The following GRID1 variants were observed in gnomAD, a reference collection of about 807,000 sequenced individuals.
The protein encoded by GRID1 is glutamate receptor ionotropic, delta-1.
Under a neutral mutation model 98.0 loss-of-function variants are expected in GRID1, and 28 were observed. That is an observed-to-expected ratio of 0.29 (90% CI 0.21 to 0.39). The LOEUF is 0.39. Ranked by LOEUF, GRID1 falls within the 10% of genes least tolerant of loss-of-function variation. The pLI, the probability that GRID1 is intolerant of heterozygous loss-of-function variation, is 1.00. For synonymous variants in GRID1, 553 were observed against 538.5 expected, an observed-to-expected ratio of 1.03 and a Z score of -0.37; for missense variants, 1,111 against 1,340.5, an observed-to-expected ratio of 0.83 and a Z score of 2.67.
intron 3 of GRID1, among the ~76,000 whole-genome samples, chr10:86,204,709 C>A (rs942650602): frequency 6.6e-6 from 1 of 152,180 alleles, no homozygotes; most frequent in African/African-American, 2.4e-5. Context: ...CTCCCAGGCT[C>A]TAGGGGAAAA....
chr10:85,893,439 G>T (rs762036201), intron 5 of GRID1, among the ~76,000 whole-genome samples: 1 of 152,080 alleles, frequency 6.6e-6, no homozygotes, highest in Non-Finnish European at 1.5e-5. Flanking sequence ...AATAAGAATA[G>T]TTCACTATAT....
intron 2 of GRID1, among the ~76,000 whole-genome samples, chr10:86,240,572 C>T (rs1358887067): frequency 6.7e-6 from 1 of 149,822 alleles, no homozygotes; most frequent in Non-Finnish European, 1.5e-5. Flanking sequence ...CAGGGGCCCA[C>T]CTCTTGGGTG....
intron 5 of GRID1, among the ~76,000 whole-genome samples, chr10:85,884,127 T>G (rs1171127264): frequency 6.6e-6 from 1 of 152,232 alleles, no homozygotes; most frequent in Non-Finnish European, 1.5e-5. Context: ...CCACTTTACA[T>G]TTGGCCTTCA....
At chr10:85,923,362 T>C (rs553430755) in intron 4 of GRID1, among the ~76,000 whole-genome samples, 138 of 152,248 alleles carry the variant, frequency 9.1e-4, no homozygotes, top group Admixed American at 1.4e-3. Flanking sequence ...GAATTTACCC[T>C]GTGAAGCACT....
chr10:86,197,318 G>A (rs891234923), intron 3 of GRID1, among the ~76,000 whole-genome samples: 3 of 152,202 alleles, frequency 2.0e-5, no homozygotes, highest in African/African-American at 4.8e-5. Flanking sequence ...AGGTTGTGCC[G>A]GGCACGCTCA....
chr10:85,931,311 T>C (rs1002563496), intron 4 of GRID1, among the ~76,000 whole-genome samples: 1 of 152,164 alleles, frequency 6.6e-6, no homozygotes, highest in Admixed American at 6.5e-5. Context: ...AAGAGCTACA[T>C]GGTTGGGAGG....
intron 2 of GRID1, among the ~76,000 whole-genome samples, chr10:86,344,072 C>T (rs1848348321): frequency 6.6e-6 from 1 of 152,250 alleles, no homozygotes; most frequent in South Asian, 2.1e-4. Context: ...ATACCAGTGC[C>T]TGGGCCCTTG....
chr10:85,685,507 A>G (rs907119601), intron 12 of GRID1, among the ~76,000 whole-genome samples: 1 of 152,172 alleles, frequency 6.6e-6, no homozygotes, highest in Non-Finnish European at 1.5e-5. Context: ...AATTCAATAT[A>G]ATGAAACTAT....
chr10:86,061,977 T>A (rs1014657930), intron 4 of GRID1, among the ~76,000 whole-genome samples: 8 of 152,182 alleles, frequency 5.3e-5, no homozygotes, highest in Non-Finnish European at 8.8e-5. Context: ...CATGACTGTA[T>A]TCTCTCCCTT....
intron 3 of GRID1, among the ~76,000 whole-genome samples, chr10:86,181,979 G>A (rs749405218): frequency 5.9e-5 from 9 of 152,208 alleles, no homozygotes; most frequent in Non-Finnish European, 1.3e-4. Context: ...ACAACTTAGT[G>A]TTGCAGTACT....
chr10:85,872,871 C>T (rs1843292238), intron 5 of GRID1, among the ~76,000 whole-genome samples: 1 of 152,194 alleles, frequency 6.6e-6, no homozygotes, highest in South Asian at 2.1e-4. Flanking sequence ...TGTACTCCTA[C>T]CCACCTCCTT....
chr10:85,754,242 A>C (rs1842074815), intron 8 of GRID1, among the ~76,000 whole-genome samples: 1 of 152,188 alleles, frequency 6.6e-6, no homozygotes, highest in Non-Finnish European at 1.5e-5. Context: ...TAGTTCACAG[A>C]GTTGTTTCTT....
At chr10:85,710,559 G>A (rs1413942863) in intron 12 of GRID1, among the ~76,000 whole-genome samples, 5 of 152,102 alleles carry the variant, frequency 3.3e-5, no homozygotes. Flanking sequence ...GTTAGATTTG[G>A]CAATGAATAT....
intron 2 of GRID1, among the ~76,000 whole-genome samples, chr10:86,360,960 A>G (rs1275873041): frequency 1.3e-5 from 2 of 152,198 alleles, no homozygotes; most frequent in South Asian, 2.1e-4. Flanking sequence ...CCAGTCAATG[A>G]TGGAGATCAA....
intron 5 of GRID1, among the ~76,000 whole-genome samples, chr10:85,898,399 A>G (rs1841325773): frequency 6.6e-6 from 1 of 152,204 alleles, no homozygotes; most frequent in African/African-American, 2.4e-5. Flanking sequence ...AGGCAACACT[A>G]AAATTTATTT....
chr10:85,943,784 GA>G lies in GRID1; in HGVS notation c.727-27546del, dbSNP rs923730129. On this transcript the variant is annotated intron_variant, in intron 4 of 15. Coordinates refer to ENST00000327946, the MANE Select transcript of GRID1 (RefSeq NM_017551.3). The stretch of plus-strand genomic sequence containing the variant: ...GGCAAAGGATTGCAAAAGCAATGCA[GA>G]GAAAAAGAAATTGAAAAGGCTAATG... 1.5e-3 allele frequency among the ~76,000 whole-genome samples: 224 copies of G among 152,314 alleles called. 1 individual carries two copies. Among genetic ancestry groups the G allele is most frequent in the African/African-American group, 5.1e-3 (210 of 41,560 alleles).
At chr10:86,116,195 C>A (rs1028586422) in intron 4 of GRID1, among the ~76,000 whole-genome samples, 3 of 152,178 alleles carry the variant, frequency 2.0e-5, no homozygotes, top group African/African-American at 7.2e-5. Flanking sequence ...GAGTAAACAG[C>A]AGAAATATCA....
chr10:85,821,929 A>T, intron 8 of GRID1, among the ~76,000 whole-genome samples: 1 of 152,178 alleles, frequency 6.6e-6, no homozygotes, highest in Non-Finnish European at 1.5e-5. Flanking sequence ...AAAAACAAGA[A>T]ATGGGGAAAG....
At chr10:85,712,116 A>T (rs1308033912) in intron 12 of GRID1, among the ~76,000 whole-genome samples, 1 of 151,860 alleles carries the variant, frequency 6.6e-6, no homozygotes, top group Non-Finnish European at 1.5e-5. Flanking sequence ...AAATGATGTA[A>T]GTCATATAGA....
Sources: gnomAD v4.1 joint callset for allele counts (sites outside exome capture counted in the v4.1 genomes callset) on GRCh38, gnomAD v4.1.1 for gene constraint, MANE v1.5 for transcripts, NCBI Gene and HGNC (gene_info 2026-07-23, HGNC 2026-07-21) for gene names.